THADA: variants seen among roughly 807,000 people sequenced by gnomAD.
THADA encodes the protein THADA armadillo repeat containing.
In THADA, 213 loss-of-function variants were observed where a neutral mutation model predicts 219.8. The observed-to-expected ratio is 0.97, with a 90% CI of 0.87 to 1.09. The LOEUF is 1.09. Ranked by LOEUF, THADA falls within the 50% of genes least tolerant of loss-of-function variation. THADA has a pLI of 0.00. For missense variants in THADA, 2,956 were observed against 2,311.3 expected (o/e 1.28, Z -5.72); for synonymous variants, 1,018 against 828.9 (o/e 1.23, Z -3.92).
intron 31 of THADA, among the ~76,000 whole-genome samples, chr2:43,303,819 T>C (rs958986725): frequency 1.3e-5 from 2 of 151,786 alleles, no homozygotes; most frequent in African/African-American, 4.8e-5. Context: ...AGGGTTGCTG[T>C]ACTGTTACCT....
intron 22 of THADA, among the ~76,000 whole-genome samples, chr2:43,515,660 T>C (rs949854263): frequency 1.3e-5 from 2 of 151,576 alleles, no homozygotes; most frequent in Non-Finnish European, 2.9e-5. Context: ...ACATCAATTA[T>C]ACCAAACACA....
At chr2:43,293,868 CA>C (rs1211388797) in intron 31 of THADA, among the ~76,000 whole-genome samples, 1 of 152,218 alleles carries the variant, frequency 6.6e-6, no homozygotes, top group African/African-American at 2.4e-5. Flanking sequence ...GGACATGCCT[CA>C]CCCTCTCTTA....
chr2:43,383,834 A>C (rs1323364164), intron 29 of THADA, among the ~76,000 whole-genome samples: 1 of 152,258 alleles, frequency 6.6e-6, no homozygotes, highest in Admixed American at 6.5e-5. Flanking sequence ...TCATTAAAAA[A>C]AGTGAAAAAC....
At chr2:43,486,172 T>G (rs1686898479) in intron 25 of THADA, among the ~76,000 whole-genome samples, 1 of 152,178 alleles carries the variant, frequency 6.6e-6, no homozygotes, top group African/African-American at 2.4e-5. Context: ...TCCAAAATGT[T>G]GCTTATCAGC....
intron 28 of THADA, among the ~76,000 whole-genome samples, chr2:43,418,608 G>C (rs964947381): frequency 3.3e-5 from 5 of 152,178 alleles, no homozygotes; most frequent in African/African-American, 1.2e-4. Context: ...AGAAGAAGCT[G>C]TCCAATAGAA....
chr2:43,559,343 A>C (rs1697781358), intron 16 of THADA, among the ~76,000 whole-genome samples: 1 of 152,216 alleles, frequency 6.6e-6, no homozygotes, highest in Admixed American at 6.5e-5. Flanking sequence ...TGTTCTACAT[A>C]GCCATCTAGA....
intron 25 of THADA, among the ~76,000 whole-genome samples, chr2:43,498,192 G>A (rs1182882822): frequency 1.3e-5 from 2 of 152,048 alleles, no homozygotes; most frequent in African/African-American, 4.8e-5. Context: ...AATCCACAGA[G>A]ACAGAAAGGA....
intron 29 of THADA, among the ~76,000 whole-genome samples, chr2:43,386,647 A>C (rs1558677099): frequency 6.6e-6 from 1 of 152,124 alleles, no homozygotes; most frequent in Non-Finnish European, 1.5e-5. Context: ...TAATCCTAGC[A>C]CTTTAGGAGG....
At chr2:43,581,653 C>T (rs1441314068) in intron 8 of THADA, 88 bp downstream of exon 8, 5 of 1,164,384 alleles carry the variant, frequency 4.3e-6, no homozygotes, top group Non-Finnish European at 6.1e-6. Flanking sequence ...TTAAGTATCA[C>T]ATTTCACACT....
chr2:43,574,430 C>T lies in THADA; in HGVS notation c.1635G>A (p.Val545=), dbSNP rs1465062207. ...ATAATTTTGGCAAGTAATAATCAAT[C>T]ACGTAAGATTTTTGATCCAAGTTTC... ...CEGNLDQKSY[V]IDYYLPKLLS... The change falls in exon 11 of 38, where the codon GTG becomes GTA. Residue 545 remains valine (V), a synonymous_variant. Transcript: ENST00000405975. 2 of 1,611,750 alleles carry T rather than the reference C, an allele frequency of 1.2e-6. No individual in the cohort carries two copies. Among genetic ancestry groups the T allele is most frequent in the South Asian group, 2.2e-5 (2 of 90,748 alleles).
At chr2:43,380,121 G>A (rs1671822490) in intron 29 of THADA, among the ~76,000 whole-genome samples, 1 of 152,150 alleles carries the variant, frequency 6.6e-6, no homozygotes, top group Non-Finnish European at 1.5e-5. Flanking sequence ...CTACATACTA[G>A]TCAAAATGCA....
At chr2:43,269,286 G>T (rs1029193431) in intron 36 of THADA, among the ~76,000 whole-genome samples, 1 of 152,208 alleles carries the variant, frequency 6.6e-6, no homozygotes, top group African/African-American at 2.4e-5. Flanking sequence ...GCTTTCAGAA[G>T]CAGCAAGAGT....
chr2:43,534,007 G>T (rs1694233439), intron 21 of THADA, among the ~76,000 whole-genome samples: 1 of 152,028 alleles, frequency 6.6e-6, no homozygotes, highest in African/African-American at 2.4e-5. Flanking sequence ...TAGTAATATG[G>T]ATGAATATAA....
At chr2:43,369,057 G>A (rs912364463) in intron 29 of THADA, among the ~76,000 whole-genome samples, 7 of 152,124 alleles carry the variant, frequency 4.6e-5, no homozygotes, top group East Asian at 1.9e-4. Context: ...GATGTATCAC[G>A]TGCAACTAAA....
Position 43,427,169 on chromosome 2 carries a change from T to C in THADA, c.4058+931A>G, listed in dbSNP as rs551055698. Among the ~76,000 whole-genome samples the C allele has an allele frequency of 1.1e-3, 160 of 152,198 alleles. 1 individual carries two copies. The highest frequency in any genetic ancestry group is 3.6e-3 in the African/African-American group (150 of 41,516). The stretch of plus-strand genomic sequence containing the variant: ...GGCATTACCATTTACATGCCACCCA[T>C]TGCACCGGCTCGCAGACTCTTCCAG... On this transcript the variant is annotated intron_variant, in intron 28 of 37. Transcript: ENST00000405975.
intron 15 of THADA, among the ~76,000 whole-genome samples, chr2:43,560,889 C>T (rs749940679): frequency 3.3e-5 from 5 of 151,830 alleles, no homozygotes; most frequent in African/African-American, 1.2e-4. Flanking sequence ...TAGTGGCACA[C>T]GACTGTAATC....
chr2:43,371,965 C>G (rs546360552), intron 29 of THADA: 1 of 152,296 alleles, frequency 6.6e-6, no homozygotes, highest in East Asian at 1.9e-4. Context: ...GGATATTCAC[C>G]TCATGCTGGA....
intron 28 of THADA, among the ~76,000 whole-genome samples, chr2:43,408,770 T>C (rs992365513): frequency 2.0e-5 from 3 of 152,218 alleles, no homozygotes; most frequent in African/African-American, 4.8e-5. Context: ...TCCAGGCAGA[T>C]AGCTATCTTT....
At chr2:43,582,235 A>G (rs775963813) in intron 7 of THADA, among the ~76,000 whole-genome samples, 1 of 152,152 alleles carries the variant, frequency 6.6e-6, no homozygotes, top group Non-Finnish European at 1.5e-5. Flanking sequence ...AGTGGCTCAC[A>G]CTTGTAATCC....
Sources: gnomAD v4.1 joint callset for allele counts (sites outside exome capture counted in the v4.1 genomes callset) on GRCh38, gnomAD v4.1.1 for gene constraint, MANE v1.5 for transcripts, NCBI Gene and HGNC (gene_info 2026-07-23, HGNC 2026-07-21) for gene names.